KDM6B: variants seen among roughly 807,000 people sequenced by gnomAD.
KDM6B encodes the protein lysine demethylase 6B, also known as lysine-specific demethylase 6B.
KDM6B carries 22 observed loss-of-function variants against 150.4 expected under a neutral mutation model. That is an observed-to-expected ratio of 0.15 (90% CI 0.10 to 0.21). The LOEUF is 0.21. KDM6B is among the 10% of genes least tolerant of loss of function. The pLI, the probability that KDM6B is intolerant of heterozygous loss-of-function variation, is 1.00. For synonymous variants in KDM6B, 1,148 were observed against 921.1 expected (o/e 1.25, Z -4.46); for missense variants, 1,984 against 2,234.3 (o/e 0.89, Z 2.26).
Position 7,843,498 on chromosome 17 carries a change from C to T in KDM6B, c.-268-1403C>T, listed in dbSNP as rs1415617512. On this transcript the variant is annotated intron_variant, in intron 2 of 23. Coordinates refer to ENST00000448097, the MANE Select transcript of KDM6B (RefSeq NM_001348716.2). This position sits in a 1 kb window ranked among gnomAD's most constrained non-coding sequence, Gnocchi z 4.5. ...GTCCAAGCGCTTCCATGCAAACAAA[C>T]GACCTTGCCCCTTCGGGAAGGAAGG... 6.6e-6 allele frequency among the ~76,000 whole-genome samples: 1 copy of T among 152,220 alleles called. No homozygotes were observed. Among genetic ancestry groups the T allele is most frequent in the Non-Finnish European group, 1.5e-5 (1 of 68,028 alleles).
intron 21 of KDM6B, 51 bp from the exon 22 acceptor site, chr17:7,852,949 C>A: frequency 6.2e-7 from 1 of 1,612,520 alleles, no homozygotes; most frequent in Non-Finnish European, 8.5e-7. Flanking sequence ...CCAGCCCTGC[C>A]TCAGGCCTCC....
Position 7,845,355 on chromosome 17 carries a change from G to C in KDM6B, c.-107G>C. The C allele has an allele frequency of 1.5e-6, 1 of 679,448 alleles. No homozygotes were observed. The highest frequency in any genetic ancestry group is 2.7e-5 in the East Asian group (1 of 36,996). The allele number at this position is 679,448 out of a possible 1,614,324, so 42.1% of individuals were successfully genotyped here. A position where few individuals can be genotyped will look rare whatever the true frequency, so the allele number is the denominator to read the frequency against. Reference sequence around the variant, plus strand: ...ACTGAGGCAGCCATCTGGGGGTAGCGGGCACTCTTATCAGAGCGGCTGGAG... The same window carrying C: ...ACTGAGGCAGCCATCTGGGGGTAGCCGGCACTCTTATCAGAGCGGCTGGAG... On this transcript the variant is annotated 5_prime_UTR_variant, in exon 4 of 24. Transcript: ENST00000448097.
At chr17:7,842,195 A>G (rs759445305) in intron 2 of KDM6B, among the ~76,000 whole-genome samples, 25 of 143,518 alleles carry the variant, frequency 1.7e-4, no homozygotes, top group Non-Finnish European at 2.7e-4. Context: ...TGATTGATGG[A>G]GTGTTCTCTC....
In KDM6B at chr17:7,844,854, C is replaced by G. The variant is rs181722762; in HGVS notation, c.-268-47C>G. 381 of 157,970 alleles carry G rather than the reference C, an allele frequency of 2.4e-3. 1 individual carries two copies. Among genetic ancestry groups the G allele is most frequent in the Admixed American group, 4.5e-3 (74 of 16,468 alleles). 9.8% of individuals were successfully genotyped at this position (157,970 alleles called of 1,614,324 possible). Reference sequence around the variant, plus strand: ...GACCGGCTCCCGCGCCCCTCCTCCCCCGGCCACCGCTGCCGGGCTCACCTC... The same window carrying G: ...GACCGGCTCCCGCGCCCCTCCTCCCGCGGCCACCGCTGCCGGGCTCACCTC... On this transcript the variant is annotated intron_variant, in intron 2 of 23. Coordinates refer to ENST00000448097, the MANE Select transcript of KDM6B (RefSeq NM_001348716.2). This position sits in a 1 kb window ranked among gnomAD's most constrained non-coding sequence, Gnocchi z 5.9.
chr17:7,842,343 C>G (rs1160047016), intron 2 of KDM6B, among the ~76,000 whole-genome samples: 1 of 152,126 alleles, frequency 6.6e-6, no homozygotes, highest in African/African-American at 2.4e-5. Context: ...CGGAATTAAC[C>G]CTTTCAGAGC....
In KDM6B at chr17:7,845,402, C is replaced by G; in HGVS notation, c.-60C>G. On this transcript the variant is annotated 5_prime_UTR_variant, in exon 4 of 24. Transcript: ENST00000448097. ...GGAGCCGGACCATCGTCCCAGAGAG[C>G]TGGGGCAGGGGGCCGTGCCCAATCT... The G allele has an allele frequency of 1.1e-6, 1 of 939,984 alleles. No individual in the cohort carries two copies. The highest frequency in any genetic ancestry group is 1.7e-6 in the Non-Finnish European group (1 of 576,760). The allele number at this position is 939,984 out of a possible 1,614,324, so 58.2% of individuals were successfully genotyped here.
At chr17:7,842,514 C>T (rs866725880) in intron 2 of KDM6B, among the ~76,000 whole-genome samples, 1 of 152,180 alleles carries the variant, frequency 6.6e-6, no homozygotes, top group Non-Finnish European at 1.5e-5. Context: ...TGGTTCCCTT[C>T]CCTTGGTTAG....
rs759471575 is a variant in KDM6B at position 7,851,780 on chromosome 17, C to T, written c.4149C>T (p.Pro1383=). The part of the protein sequence containing the change: ...MNTVQLYMKV[P]GSRTPGHQEN... ...CGGTGCAGCTGTACATGAAGGTGCC[C>T]GGCAGCCGAACGCCAGGTGCGCTCC... Residue 1383 remains proline, a synonymous_variant, in exon 18 of 24, where the codon CCC becomes CCT. Coordinates refer to ENST00000448097, the MANE Select transcript of KDM6B (RefSeq NM_001348716.2). 7.7e-6 allele frequency: 12 copies of T among 1,554,554 alleles called. No homozygotes were observed. Among genetic ancestry groups the T allele is most frequent in the Middle Eastern group, 1.7e-4 (1 of 5,994 alleles).
Position 7,846,989 on chromosome 17 carries a change from C to T in KDM6B, c.882C>T (p.Arg294=). 1 of 1,613,496 alleles carries T rather than the reference C, an allele frequency of 6.2e-7. No homozygotes were observed. Among genetic ancestry groups the T allele is most frequent in the Non-Finnish European group, 8.5e-7 (1 of 1,179,946 alleles). The part of the protein sequence containing the change: ...TLHGDAWGPE[R]KGSAPPERQE... The stretch of plus-strand genomic sequence containing the variant: ...ATGGAGATGCCTGGGGCCCAGAGCG[C>T]AAGGGTTCAGCACCCCCAGAGCGCC... The change falls in exon 10 of 24, where the codon CGC becomes CGT. Residue 294 remains arginine (R), a synonymous_variant. Transcript: ENST00000448097.
Position 7,849,422 on chromosome 17 carries a change from A to T in KDM6B, c.3134A>T (p.Lys1045Met). 1 of 1,611,996 alleles carries T rather than the reference A, an allele frequency of 6.2e-7. No homozygotes were observed. Among genetic ancestry groups the T allele is most frequent in the Non-Finnish European group, 8.5e-7 (1 of 1,179,652 alleles). The change falls in exon 12 of 24, where the codon AAG becomes ATG. Residue 1045 changes from lysine to methionine, a missense_variant. Around this residue, in one of 13 missense-constraint regions of KDM6B, gnomAD observed 1,379 missense variants for 1,275.6 expected, o/e 1.08. Transcript: ENST00000448097. ...GATCTTGGCGGGGCCTCCAAGGCCA[A>T]GCCACCCACAGCTCCAGCCCCTCCA... is the stretch of plus-strand genomic sequence containing the variant. ...RPDLGGASKA[K>M]PPTAPAPPSA...
chr17:7,848,911 G>C lies in KDM6B; in HGVS notation c.2623G>C (p.Gly875Arg), dbSNP rs761513384. 1 of 1,603,400 alleles carries C rather than the reference G, an allele frequency of 6.2e-7. No homozygotes were observed. The highest frequency in any genetic ancestry group is 1.3e-5 in the African/African-American group (1 of 74,606). Residue 875 changes from glycine (G) to arginine (R), a missense_variant, in exon 12 of 24, where the codon GGC becomes CGC. By Grantham distance (125) the Gly-to-Arg change is moderately radical. Transcript: ENST00000448097. Reference sequence around the variant, plus strand: ...CTCGTCATCTCAGTTCTCTACCTCAGGCGGGCCCTGGGCCCGGGAGCGCAG... The same window carrying C: ...CTCGTCATCTCAGTTCTCTACCTCACGCGGGCCCTGGGCCCGGGAGCGCAG... ...ASSSSQFSTS[G>R]GPWARERRAG...
In KDM6B at chr17:7,838,675, G is replaced by T. The variant is rs143651222; in HGVS notation, c.-387-1231G>T. On this transcript the variant is annotated intron_variant, in intron 1 of 23. Transcript: ENST00000448097. ...CCTAAAGTCTGCCCACTCTGCTCTC[G>T]ACTAGCCCTTTCCTAGTCCCTCCCC... Among the ~76,000 whole-genome samples, 278 of 137,526 alleles carry T rather than the reference G, an allele frequency of 2.0e-3. 1 individual carries two copies. The highest frequency in any genetic ancestry group is 7.2e-3 in the African/African-American group (257 of 35,752). 90.2% of individuals were successfully genotyped at this position (137,526 alleles called of 152,430 possible).
Position 7,845,433 on chromosome 17 carries a change from G to T in KDM6B, c.-29G>T. On this transcript the variant is annotated 5_prime_UTR_variant, in exon 4 of 24. Transcript: ENST00000448097. ...CAGGGGGCCGTGCCCAATCTCCAGG[G>T]CTCCTGGGGCCACTGCTGACCTGGT... 3 of 1,252,684 alleles carry T rather than the reference G, an allele frequency of 2.4e-6. No individual in the cohort carries two copies. Among genetic ancestry groups the T allele is most frequent in the Non-Finnish European group, 3.5e-6 (3 of 853,512 alleles). 77.6% of individuals were successfully genotyped at this position (1,252,684 alleles called of 1,614,324 possible).
intron 6 of KDM6B, 25 bp from the exon 7 acceptor site, chr17:7,846,053 C>A: frequency 7.2e-7 from 1 of 1,389,696 alleles, no homozygotes; most frequent in Non-Finnish European, 1.0e-6. Flanking sequence ...CCCCCACCCA[C>A]ACCCCCACCC....
At chr17:7,835,199 G>A (rs1253698746) in intron 1 of KDM6B, among the ~76,000 whole-genome samples, 1 of 152,024 alleles carries the variant, frequency 6.6e-6, no homozygotes, top group Non-Finnish European at 1.5e-5. Flanking sequence ...GGGGGCTGGG[G>A]ACTCAATCTC....
Position 7,848,912 on chromosome 17 carries a change from G to A in KDM6B, c.2624G>A (p.Gly875Asp). The change falls in exon 12 of 24, where the codon GGC (glycine) becomes GAC (aspartate). Residue 875 changes from glycine (G) to aspartate (D), a missense_variant. Gly to Asp is a moderately conservative substitution (Grantham distance 94). Coordinates refer to ENST00000448097, the MANE Select transcript of KDM6B (RefSeq NM_001348716.2). ...ASSSSQFSTS[G>D]GPWARERRAG... ...TCGTCATCTCAGTTCTCTACCTCAG[G>A]CGGGCCCTGGGCCCGGGAGCGCAGG... 1 of 1,603,212 alleles carries A rather than the reference G, an allele frequency of 6.2e-7. No individual in the cohort carries two copies. The highest frequency in any genetic ancestry group is 8.5e-7 in the Non-Finnish European group (1 of 1,173,696).
intron 5 of KDM6B, 32 bp from the exon 6 acceptor site, chr17:7,845,840 T>A (rs375982357): frequency 4.7e-5 from 75 of 1,603,320 alleles, no homozygotes; most frequent in South Asian, 3.5e-4. Context: ...TGCTCCTTTT[T>A]GCCGTATATA....
In KDM6B at chr17:7,848,032, G is replaced by A. The variant is rs1179369854; in HGVS notation, c.1744G>A (p.Asp582Asn). ...ACCACCCTATCTGGCCAGAAGTATA[G>A]ACCCCCTTCCCCGGCCTCCCAGCCC... ...PPPPYLARSI[D>N]PLPRPPSPAQ... Residue 582 changes from aspartate (D) to asparagine (N), a missense_variant, in exon 12 of 24, where the codon GAC (aspartate) becomes AAC (asparagine). Around this residue, in one of 13 missense-constraint regions of KDM6B, gnomAD observed 1,379 missense variants for 1,275.6 expected, o/e 1.08. Coordinates refer to ENST00000448097, the MANE Select transcript of KDM6B (RefSeq NM_001348716.2). The A allele has an allele frequency of 6.2e-6, 10 of 1,608,878 alleles. No individual in the cohort carries two copies. In the African/African-American group the frequency reaches 9.6e-5, roughly 15 times the overall value.
intron 7 of KDM6B, 23 bp from the exon 8 acceptor site, chr17:7,846,377 G>GGGGCC: frequency 1.4e-6 from 2 of 1,479,458 alleles, no homozygotes; most frequent in Non-Finnish European, 1.8e-6. Context: ...ATCTGCCCCT[G>GGGGCC]CCCCGTGTCC....
Sources: gnomAD v4.1 joint callset for allele counts (sites outside exome capture counted in the v4.1 genomes callset) on GRCh38, gnomAD v4.1.1 for gene constraint, gnomAD v4.1.1 regional missense constraint, Gnocchi (gnomAD v3.1) non-coding constraint, MANE v1.5 for transcripts, NCBI Gene and HGNC (gene_info 2026-07-23, HGNC 2026-07-21) for gene names.